Variants in ABLIM1 observed in about 807,000 individuals in gnomAD.
ABLIM1 encodes actin binding LIM protein 1, also known as actin-binding LIM protein 1.
ABLIM1 carries 40 observed loss-of-function variants against 107.0 expected under a neutral mutation model. The observed-to-expected ratio is 0.37, with a 90% CI of 0.29 to 0.49. The LOEUF (loss-of-function observed/expected upper bound fraction) is 0.49, where lower values mean the gene tolerates loss of function less well. ABLIM1 is among the 20% of genes least tolerant of loss of function. The pLI is 0.97. For missense variants in ABLIM1, 857 were observed against 1,008.5 expected, an observed-to-expected ratio of 0.85 and a Z score of 2.04; for synonymous variants, 357 against 357.3, an observed-to-expected ratio of 1.00 and a Z score of 0.01.
At chr10:114,522,562 T>TA (rs1276153927) in intron 6 of ABLIM1, among the ~76,000 whole-genome samples, 1 of 152,128 alleles carries the variant, frequency 6.6e-6, no homozygotes, top group Non-Finnish European at 1.5e-5. Flanking sequence ...GACAATCTAG[T>TA]AAAAAATTAC....
intron 3 of ABLIM1, 81 bp from the exon 4 acceptor site, chr10:114,571,487 C>T (rs189601482): frequency 5.2e-5 from 71 of 1,352,858 alleles, no homozygotes; most frequent in Middle Eastern, 1.8e-4. Flanking sequence ...TGCTGCCCTC[C>T]GGTGCCCATT....
At chr10:114,558,198 A>G (rs1269134419) in intron 4 of ABLIM1, among the ~76,000 whole-genome samples, 1 of 152,030 alleles carries the variant, frequency 6.6e-6, no homozygotes, top group African/African-American at 2.4e-5. Flanking sequence ...TTTAGCTAGT[A>G]CTGAGTGTTC....
intron 4 of ABLIM1, among the ~76,000 whole-genome samples, chr10:114,558,975 G>A (rs954780237): frequency 6.7e-6 from 1 of 149,646 alleles, no homozygotes; most frequent in African/African-American, 2.5e-5. Context: ...AAAAGGAGGG[G>A]CTATATGTAT....
chr10:114,725,501 A>C (rs980899409), intron 1 of ABLIM1, among the ~76,000 whole-genome samples: 1 of 152,156 alleles, frequency 6.6e-6, no homozygotes, highest in Non-Finnish European at 1.5e-5. Context: ...ACAAAGCACA[A>C]AATGGTGCGT....
chr10:114,787,455 C>A, the ABLIM1 span, among the ~76,000 whole-genome samples: 29 of 135,318 alleles, frequency 2.1e-4, no homozygotes, highest in South Asian at 7.3e-4. Context: ...AGGTGAGGGG[C>A]GCCTCTGCCC....
At position 114,435,364 on chromosome 10, in the gene ABLIM1, G is replaced by A. The variant is rs1430065444; in HGVS notation, c.*896C>T. 1 of 151,812 alleles carries A rather than the reference G, an allele frequency of 6.6e-6. No individual in the cohort carries two copies. The highest frequency in any genetic ancestry group is 1.5e-5 in the Non-Finnish European group (1 of 67,954). 9.4% of individuals were successfully genotyped at this position (151,812 alleles called of 1,614,324 possible). On this transcript the variant is annotated 3_prime_UTR_variant, in exon 23 of 23. Transcript: ENST00000533213. ...ACTTGTTTTTGTTTTTTGCTTTTTGGTTTTTTTTGGCCATGAATGATATGG... is the reference window on the plus strand; with the variant it reads ...ACTTGTTTTTGTTTTTTGCTTTTTGATTTTTTTTGGCCATGAATGATATGG...
chr10:114,617,427 A>C (rs2077198253), intron 1 of ABLIM1, among the ~76,000 whole-genome samples: 1 of 151,520 alleles, frequency 6.6e-6, no homozygotes, highest in Non-Finnish European at 1.5e-5. Flanking sequence ...ACGTTTGGCT[A>C]ATTTTTTTTT....
At chr10:114,677,509 A>G (rs1239118449) in intron 1 of ABLIM1, among the ~76,000 whole-genome samples, 1 of 152,198 alleles carries the variant, frequency 6.6e-6, no homozygotes. Flanking sequence ...ATAGTGGCTC[A>G]CGCCTGTAAT....
chr10:114,574,054 T>C (rs534036686), intron 3 of ABLIM1, among the ~76,000 whole-genome samples: 7 of 152,346 alleles, frequency 4.6e-5, no homozygotes, highest in African/African-American at 1.4e-4. Flanking sequence ...TTATGAATAT[T>C]TTGTGTCTTA....
chr10:114,530,566 C>T (rs897508679), intron 6 of ABLIM1, among the ~76,000 whole-genome samples: 3 of 152,142 alleles, frequency 2.0e-5, no homozygotes, highest in Non-Finnish European at 4.4e-5. Flanking sequence ...CACAGTCTCA[C>T]TCTGTCATCT....
At chr10:114,638,213 T>A (rs1267861987) in intron 1 of ABLIM1, among the ~76,000 whole-genome samples, 1 of 152,222 alleles carries the variant, frequency 6.6e-6, no homozygotes, top group East Asian at 1.9e-4. Context: ...ATAGACTGAT[T>A]TCAAAATCTA....
intron 12 of ABLIM1, among the ~76,000 whole-genome samples, chr10:114,455,651 A>G (rs1209453097): frequency 6.6e-6 from 1 of 152,146 alleles, no homozygotes; most frequent in Admixed American, 6.5e-5. Flanking sequence ...CTGTGAATGA[A>G]TGATTGAAGG....
chr10:114,616,506 T>G (rs147992239), intron 1 of ABLIM1, among the ~76,000 whole-genome samples: 1 of 152,360 alleles, frequency 6.6e-6, no homozygotes, highest in Non-Finnish European at 1.5e-5. Flanking sequence ...TTGGTGAATT[T>G]CTATCACTGA....
chr10:114,451,744 G>A lies in ABLIM1; in HGVS notation c.1547-73C>T. ...CGATGGGAAAAACAGATCAACCAAG[G>A]GGCAAATCAAACTGAAGATCTTGAA... On this transcript the variant is annotated intron_variant, in intron 13 of 22. Transcript: ENST00000533213. 2 of 1,276,676 alleles carry A rather than the reference G, an allele frequency of 1.6e-6. 1 individual carries two copies. Among genetic ancestry groups the A allele is most frequent in the South Asian group, 2.8e-5 (2 of 71,236 alleles). The allele number at this position is 1,276,676 out of a possible 1,614,324, so 79.1% of individuals were successfully genotyped here.
At chr10:114,798,448 C>T in the ABLIM1 span, among the ~76,000 whole-genome samples, 2 of 147,574 alleles carry the variant, frequency 1.4e-5, no homozygotes, top group East Asian at 4.1e-4. Flanking sequence ...CATGGTAGTA[C>T]AGGCTGGGCA....
intron 1 of ABLIM1, among the ~76,000 whole-genome samples, chr10:114,602,364 G>A (rs1188754379): frequency 6.6e-6 from 1 of 152,162 alleles, no homozygotes; most frequent in Non-Finnish European, 1.5e-5. Context: ...TGAAGATGGG[G>A]ACCATTTCTT....
intron 20 of ABLIM1, chr10:114,439,625 T>C (rs2059915656): frequency 8.1e-6 from 3 of 368,598 alleles, no homozygotes; most frequent in African/African-American, 4.2e-5. Context: ...TCTTTCTTTC[T>C]TTTTTTAACA....
upstream of ABLIM1, among the ~76,000 whole-genome samples, chr10:114,771,943 T>C (rs2083029499): frequency 6.6e-6 from 1 of 152,218 alleles, no homozygotes; most frequent in Non-Finnish European, 1.5e-5. Flanking sequence ...TATTGATTTT[T>C]TAAATAATTG....
intron 6 of ABLIM1, among the ~76,000 whole-genome samples, chr10:114,543,456 C>G (rs902825632): frequency 6.6e-6 from 1 of 152,178 alleles, no homozygotes. Flanking sequence ...AAAGGCTCAT[C>G]CTGTGGTTGG....
Sources: allele counts gnomAD v4.1 joint callset (sites outside exome capture counted in the v4.1 genomes callset), GRCh38; gene constraint gnomAD v4.1.1; transcripts MANE v1.5; gene names NCBI Gene and HGNC (gene_info 2026-07-23, HGNC 2026-07-21).